PYDC5: variants seen among roughly 807,000 people sequenced by gnomAD.
The protein encoded by PYDC5 is pyrin domain-containing protein 5.
At chr1:159,002,313 A>G in the PYDC5 span, among the ~76,000 whole-genome samples, 1 of 152,302 alleles carries the variant, frequency 6.6e-6, no homozygotes, top group African/African-American at 2.4e-5. Context: ...CTGTTTAAAA[A>G]AATTAAAAAA....
the PYDC5 span, among the ~76,000 whole-genome samples, chr1:159,001,034 T>C: frequency 1.2e-4 from 19 of 152,288 alleles, no homozygotes; most frequent in South Asian, 2.7e-3. Context: ...TTTATTAAAT[T>C]TGATTGCATG....
At chr1:159,000,384 A>C in the PYDC5 span, 1 of 186,178 alleles carries the variant, frequency 5.4e-6, no homozygotes, top group Non-Finnish European at 1.2e-5. Context: ...TCAACATTCA[A>C]AATGAAGCAA....
chr1:159,000,225 G>T, the PYDC5 span: 1 of 258,860 alleles, frequency 3.9e-6, no homozygotes, highest in Non-Finnish European at 8.2e-6. Context: ...AACTCATCTG[G>T]AAGAAAGCAC....
At chr1:159,000,259 G>A in the PYDC5 span, 3 of 257,520 alleles carry the variant, frequency 1.2e-5, no homozygotes, top group Middle Eastern at 4.6e-4. Flanking sequence ...GTTCCTCATC[G>A]GTGATGTTAT....
At chr1:159,000,673 A>T in the PYDC5 span, among the ~76,000 whole-genome samples, 3 of 152,186 alleles carry the variant, frequency 2.0e-5, no homozygotes, top group Non-Finnish European at 4.4e-5. Flanking sequence ...ACAGTAGATA[A>T]AGCTCAATTT....
chr1:159,001,888 T>C, the PYDC5 span, among the ~76,000 whole-genome samples: 2 of 152,228 alleles, frequency 1.3e-5, no homozygotes, highest in Admixed American at 6.5e-5. Context: ...ACAATTGATT[T>C]GGTGGCTTCA....
the PYDC5 span, among the ~76,000 whole-genome samples, chr1:159,000,559 G>A: frequency 6.6e-6 from 1 of 152,074 alleles, no homozygotes; most frequent in Non-Finnish European, 1.5e-5. Context: ...TAGAAAATGG[G>A]ATCCATTTTC....
chr1:159,001,278 A>C, the PYDC5 span, among the ~76,000 whole-genome samples: 5 of 152,222 alleles, frequency 3.3e-5, no homozygotes, highest in Non-Finnish European at 7.3e-5. Flanking sequence ...TTACTTTAAA[A>C]GTAGCAACCT....
the PYDC5 span, among the ~76,000 whole-genome samples, chr1:159,001,659 C>A: frequency 6.6e-6 from 1 of 152,130 alleles, no homozygotes; most frequent in Non-Finnish European, 1.5e-5. Context: ...ACACAGTCAA[C>A]TCAGCATGTT....
At chr1:159,000,165 G>T in the PYDC5 span, 1 of 198,200 alleles carries the variant, frequency 5.0e-6, no homozygotes, top group South Asian at 1.3e-4. Flanking sequence ...TTTAAATCAA[G>T]TTGGCTACTC....
the PYDC5 span, among the ~76,000 whole-genome samples, chr1:159,002,375 T>G: frequency 6.6e-6 from 1 of 151,036 alleles, no homozygotes; most frequent in African/African-American, 2.4e-5. Flanking sequence ...AACCCTCAGA[T>G]ATATAGTAGT....
At chr1:159,000,675 G>C in the PYDC5 span, among the ~76,000 whole-genome samples, 1 of 152,152 alleles carries the variant, frequency 6.6e-6, no homozygotes, top group East Asian at 1.9e-4. Context: ...AGTAGATAAA[G>C]CTCAATTTTT....
the PYDC5 span, among the ~76,000 whole-genome samples, chr1:159,002,527 C>G: frequency 9.7e-3 from 1,478 of 151,986 alleles, 27 homozygotes; most frequent in African/African-American, 0.033. Context: ...TGAACACATG[C>G]TGCAAAATAG....
chr1:159,002,348 T>C, the PYDC5 span, among the ~76,000 whole-genome samples: 1 of 152,158 alleles, frequency 6.6e-6, no homozygotes, highest in Non-Finnish European at 1.5e-5. Flanking sequence ...ACTAGTGTTA[T>C]TTGCTTCGAA....
the PYDC5 span, among the ~76,000 whole-genome samples, chr1:159,002,705 C>A: frequency 7.2e-5 from 11 of 152,174 alleles, no homozygotes; most frequent in Admixed American, 5.2e-4. Context: ...TGTGGTCAAG[C>A]ATTTGTGTGC....
At chr1:159,001,242 C>A in the PYDC5 span, among the ~76,000 whole-genome samples, 1 of 152,056 alleles carries the variant, frequency 6.6e-6, no homozygotes, top group East Asian at 1.9e-4. Context: ...TGAACAGGTG[C>A]TCAAAATTAC....
chr1:159,002,083 G>C, the PYDC5 span, among the ~76,000 whole-genome samples: 1 of 152,324 alleles, frequency 6.6e-6, no homozygotes, highest in African/African-American at 2.4e-5. Context: ...CCTATCTCCA[G>C]GTTGTAAATA....
chr1:159,001,091 T>C, the PYDC5 span, among the ~76,000 whole-genome samples: 1 of 152,140 alleles, frequency 6.6e-6, no homozygotes, highest in African/African-American at 2.4e-5. Context: ...ACATAATACT[T>C]CCAAATCCTG....
the PYDC5 span, among the ~76,000 whole-genome samples, chr1:159,001,424 T>G: frequency 6.6e-6 from 1 of 152,230 alleles, no homozygotes; most frequent in Non-Finnish European, 1.5e-5. Flanking sequence ...TAATATGAAC[T>G]TATTATTTTT....
Sources: gnomAD v4.1 joint callset for allele counts (sites outside exome capture counted in the v4.1 genomes callset) on GRCh38, gnomAD v4.1.1 for gene constraint, MANE v1.5 for transcripts, NCBI Gene and HGNC (gene_info 2026-07-23, HGNC 2026-07-21) for gene names.